DLG2: variants seen among roughly 807,000 people sequenced by gnomAD.
The protein encoded by DLG2 is discs large MAGUK scaffold protein 2, also known as disks large homolog 2.
DLG2 carries 45 observed loss-of-function variants against 132.5 expected under a neutral mutation model. That is an observed-to-expected ratio of 0.34 (90% CI 0.27 to 0.44). DLG2 has a LOEUF of 0.44. Among genes scored for constraint, DLG2 ranks in the 20% least tolerant of loss-of-function variants. The probability of loss-of-function intolerance (pLI) is 1.00; values close to 1 mark genes in which losing one functional copy is unlikely to be tolerated. For missense variants in DLG2, 1,045 were observed against 1,196.9 expected (o/e 0.87, Z 1.87); for synonymous variants, 424 against 419.6 (o/e 1.01, Z -0.13).
At chr11:83,756,852 C>G (rs1484129501) in intron 18 of DLG2, among the ~76,000 whole-genome samples, 1 of 146,172 alleles carries the variant, frequency 6.8e-6, no homozygotes, top group Non-Finnish European at 1.5e-5. Context: ...ATGAGAAAAA[C>G]CCATTATAGT....
chr11:84,243,017 CTATATA>C (rs71465003), intron 8 of DLG2, among the ~76,000 whole-genome samples: 1 of 142,146 alleles, frequency 7.0e-6, no homozygotes. Flanking sequence ...CTCTCTCTCT[CTATATA>C]TATATATATA....
chr11:84,468,378 T>C (rs1372912432), intron 7 of DLG2, among the ~76,000 whole-genome samples: 1 of 151,386 alleles, frequency 6.6e-6, no homozygotes, highest in African/African-American at 2.4e-5. Context: ...TTTCCCACTC[T>C]CTGTTCTAGT....
Position 85,343,632 on chromosome 11 carries a change from TCA to T in DLG2, c.41-58269_41-58268del, listed in dbSNP as rs903541682. Among the ~76,000 whole-genome samples, 93 of 151,258 alleles carry T rather than the reference TCA, an allele frequency of 6.1e-4. 2 individuals are homozygous for T. In the South Asian group the frequency reaches 0.014, roughly 22 times the overall value. ...TGTGCACACGTTCTCTCTCTCTCTC[TCA>T]CACACACACACGCGCGTACACGCAC... On this transcript the variant is annotated intron_variant, in intron 3 of 27. Coordinates refer to ENST00000376104, the MANE Select transcript of DLG2 (RefSeq NM_001142699.3).
chr11:84,273,414 A>C, intron 7 of DLG2: 1 of 1,213,378 alleles, frequency 8.2e-7, no homozygotes, highest in Non-Finnish European at 1.1e-6. Context: ...GTTAATCAGA[A>C]CATTTCTTTT....
At chr11:85,095,697 C>A (rs960177145) in intron 6 of DLG2, among the ~76,000 whole-genome samples, 3 of 152,156 alleles carry the variant, frequency 2.0e-5, no homozygotes, top group Non-Finnish European at 4.4e-5. Context: ...CTCCCACTAC[C>A]ATACCTAAAA....
intron 8 of DLG2, among the ~76,000 whole-genome samples, chr11:84,246,689 C>T (rs1177141385): frequency 6.6e-6 from 1 of 152,122 alleles, no homozygotes; most frequent in African/African-American, 2.4e-5. Flanking sequence ...AAAGTTATGG[C>T]CACAGTGCCT....
intron 6 of DLG2, among the ~76,000 whole-genome samples, chr11:84,631,018 T>TCACACACA (rs372331224): frequency 1.1e-5 from 1 of 94,260 alleles, no homozygotes; most frequent in Non-Finnish European, 2.0e-5. Flanking sequence ...TCTCTCTCTC[T>TCACACACA]CACACACACA....
At chr11:85,137,248 A>G (rs1342097876) in intron 5 of DLG2, among the ~76,000 whole-genome samples, 4 of 152,158 alleles carry the variant, frequency 2.6e-5, no homozygotes, top group Non-Finnish European at 5.9e-5. Flanking sequence ...GTTAATAATA[A>G]TAGTAATTTA....
intron 7 of DLG2, among the ~76,000 whole-genome samples, chr11:84,271,059 C>T (rs2097715226): frequency 6.6e-6 from 1 of 152,062 alleles, no homozygotes; most frequent in African/African-American, 2.4e-5. Context: ...GCAGGGAATA[C>T]ATAGAGTACC....
chr11:84,033,267 A>C (rs1485228843), intron 11 of DLG2, among the ~76,000 whole-genome samples: 2 of 152,194 alleles, frequency 1.3e-5, no homozygotes, highest in African/African-American at 4.8e-5. Flanking sequence ...GATTCATGGG[A>C]GGCGGTCAAA....
In DLG2 at chr11:85,113,520, T is replaced by A. The variant is rs191477608; in HGVS notation, c.283-1785A>T. 1.7e-3 allele frequency among the ~76,000 whole-genome samples: 260 copies of A among 152,138 alleles called. 1 individual carries two copies. The highest frequency in any genetic ancestry group is 6.1e-3 in the African/African-American group (254 of 41,532). The stretch of plus-strand genomic sequence containing the variant: ...GTGTTTTAACTAAGAAAATTAACAA[T>A]GATTTTACAAGGCCAGACAAATAAA... On this transcript the variant is annotated intron_variant, in intron 5 of 27. Transcript: ENST00000376104.
Position 83,845,021 on chromosome 11 carries a change from GC to G in DLG2, c.1566-11252del, listed in dbSNP as rs1356561385. 5.3e-5 allele frequency among the ~76,000 whole-genome samples: 8 copies of G among 152,068 alleles called. No homozygotes were observed. In the East Asian group the frequency reaches 1.5e-3, roughly 29 times the overall value. On this transcript the variant is annotated intron_variant, in intron 16 of 27. Transcript: ENST00000376104. Reference sequence around the variant, plus strand: ...CATATATTAAAAACATGGTATTACAGCATATAAGCTTGATTACTCCTGGATA... The same window carrying G: ...CATATATTAAAAACATGGTATTACAGATATAAGCTTGATTACTCCTGGATA...
At chr11:83,866,636 T>C (rs993168596) in intron 16 of DLG2, among the ~76,000 whole-genome samples, 7 of 152,176 alleles carry the variant, frequency 4.6e-5, no homozygotes, top group African/African-American at 1.7e-4. Context: ...CACAATTACA[T>C]TGAGACCATT....
intron 3 of DLG2, among the ~76,000 whole-genome samples, chr11:85,596,238 A>C (rs1004621456): frequency 6.6e-6 from 1 of 152,092 alleles, no homozygotes; most frequent in Non-Finnish European, 1.5e-5. Flanking sequence ...AAATACAAAA[A>C]ATTAGCCAGG....
At chr11:84,119,256 T>G (rs917015512) in intron 9 of DLG2, among the ~76,000 whole-genome samples, 39 of 152,190 alleles carry the variant, frequency 2.6e-4, no homozygotes, top group African/African-American at 8.7e-4. Context: ...AAAACCTTAT[T>G]ACCCAAATAC....
chr11:84,480,403 G>T (rs1190966270), intron 7 of DLG2, among the ~76,000 whole-genome samples: 1 of 152,094 alleles, frequency 6.6e-6, no homozygotes, highest in Non-Finnish European at 1.5e-5. Flanking sequence ...AACAGGCAGT[G>T]AATGAGATTA....
intron 3 of DLG2, among the ~76,000 whole-genome samples, chr11:85,377,812 T>TGG (rs1372948537): frequency 6.7e-6 from 1 of 149,040 alleles, no homozygotes; most frequent in Non-Finnish European, 1.5e-5. Flanking sequence ...TATGTGTGTG[T>TGG]GTGTGTGTGT....
intron 4 of DLG2, among the ~76,000 whole-genome samples, chr11:85,241,551 G>C (rs1258744105): frequency 2.0e-5 from 3 of 151,900 alleles, no homozygotes; most frequent in Non-Finnish European, 4.4e-5. Context: ...GACTTCATCA[G>C]ATTAAGGACA....
chr11:84,110,292 G>A (rs1298542148), intron 9 of DLG2, among the ~76,000 whole-genome samples: 1 of 152,098 alleles, frequency 6.6e-6, no homozygotes, highest in African/African-American at 2.4e-5. Context: ...AGCTTTTATG[G>A]GTTATTGCCT....
Sources: allele counts gnomAD v4.1 joint callset (sites outside exome capture counted in the v4.1 genomes callset), GRCh38; gene constraint gnomAD v4.1.1; transcripts MANE v1.5; gene names NCBI Gene and HGNC (gene_info 2026-07-23, HGNC 2026-07-21).